The following XKR6 variants were observed in gnomAD, a reference collection of about 807,000 sequenced individuals.
XKR6 encodes XK-related protein 6.
Under a neutral mutation model 56.7 loss-of-function variants are expected in XKR6, and 22 were observed. The observed-to-expected ratio is 0.39, with a 90% CI of 0.28 to 0.55. XKR6 has a LOEUF of 0.55. Among genes scored for constraint, XKR6 ranks in the 20% least tolerant of loss-of-function variants. The pLI is 0.66. For synonymous variants in XKR6, 524 were observed against 387.8 expected (o/e 1.35, Z -4.13); for missense variants, 852 against 889.0 (o/e 0.96, Z 0.53).
chr8:11,078,750 G>A (rs144456087), intron 1 of XKR6, among the ~76,000 whole-genome samples: 1 of 152,298 alleles, frequency 6.6e-6, no homozygotes, highest in East Asian at 1.9e-4. Context: ...GAAATTCTGG[G>A]TAGGCCCAGA....
chr8:10,989,255 A>C (rs544212191), intron 1 of XKR6, among the ~76,000 whole-genome samples: 6 of 152,272 alleles, frequency 3.9e-5, no homozygotes, highest in Non-Finnish European at 4.4e-5. Flanking sequence ...GTAGTGAGAT[A>C]AAATGAAGGC....
intron 1 of XKR6, among the ~76,000 whole-genome samples, chr8:11,010,329 G>A (rs73541207): frequency 0.03 from 4,609 of 152,224 alleles, 233 homozygotes; most frequent in African/African-American, 0.1. Context: ...CATGAGAATT[G>A]GGCAGGAACA....
chr8:11,144,254 G>GTGTA (rs1251945242), intron 1 of XKR6, among the ~76,000 whole-genome samples: 2 of 150,554 alleles, frequency 1.3e-5, no homozygotes. Flanking sequence ...GTGTGTGTGT[G>GTGTA]TATCTAAAGT....
rs573815035 is a variant in XKR6, at chr8:11,064,911, A to G, written c.764+135665T>C. Reference sequence around the variant, plus strand: ...CAAAAAGGAAAACAGAAGAAGTGACAAAAACCTCAATGGTTAAAACTAGAA... The same window carrying G: ...CAAAAAGGAAAACAGAAGAAGTGACGAAAACCTCAATGGTTAAAACTAGAA... On this transcript the variant is annotated intron_variant, in intron 1 of 2. Coordinates refer to ENST00000416569, the MANE Select transcript of XKR6 (RefSeq NM_173683.4). Among the ~76,000 whole-genome samples, 8 of 152,380 alleles carry G rather than the reference A, an allele frequency of 5.3e-5. No individual in the cohort carries two copies. The East Asian group carries it at 1.5e-3, about 29-fold the overall frequency.
At chr8:11,167,850 C>T (rs1453647354) in intron 1 of XKR6, among the ~76,000 whole-genome samples, 1 of 147,776 alleles carries the variant, frequency 6.8e-6, no homozygotes, top group Non-Finnish European at 1.5e-5. Context: ...GGCACAGTGG[C>T]TCCTGCCAAG....
intron 1 of XKR6, among the ~76,000 whole-genome samples, chr8:11,135,452 A>T (rs1800340236): frequency 6.6e-6 from 1 of 152,212 alleles, no homozygotes; most frequent in Non-Finnish European, 1.5e-5. Flanking sequence ...TTACAGTTTA[A>T]TATTGCTATC....
intron 1 of XKR6, among the ~76,000 whole-genome samples, chr8:10,956,913 C>G (rs1379403838): frequency 6.6e-6 from 1 of 152,192 alleles, no homozygotes; most frequent in Non-Finnish European, 1.5e-5. Context: ...TGGCACCTTG[C>G]TTTTCTTACC....
At chr8:10,950,502 TCA>T (rs377219571) in intron 1 of XKR6, among the ~76,000 whole-genome samples, 27 of 152,200 alleles carry the variant, frequency 1.8e-4, no homozygotes, top group African/African-American at 6.5e-4. Flanking sequence ...ATCTTGAGCC[TCA>T]GTCACCTCGT....
At chr8:11,154,313 C>T (rs750894017) in intron 1 of XKR6, among the ~76,000 whole-genome samples, 7 of 152,140 alleles carry the variant, frequency 4.6e-5, no homozygotes, top group Admixed American at 1.3e-4. Flanking sequence ...CTCTAGACAC[C>T]AAAAATCAGA....
At chr8:11,055,984 C>T (rs944384907) in intron 1 of XKR6, among the ~76,000 whole-genome samples, 1 of 152,180 alleles carries the variant, frequency 6.6e-6, no homozygotes, top group African/African-American at 2.4e-5. Context: ...AGGCCCCCTC[C>T]CCCTGCTTCC....
chr8:10,927,174 G>A (rs1054596026), intron 1 of XKR6, among the ~76,000 whole-genome samples: 1 of 152,210 alleles, frequency 6.6e-6, no homozygotes, highest in African/African-American at 2.4e-5. Context: ...GGTGATAGAA[G>A]GGCCAGGCTG....
chr8:10,997,499 C>T (rs1404548615), intron 1 of XKR6, among the ~76,000 whole-genome samples: 4 of 152,174 alleles, frequency 2.6e-5, no homozygotes, highest in Non-Finnish European at 5.9e-5. Context: ...CTTATTCTAG[C>T]TGGTGAGATA....
At chr8:11,072,679 G>A (rs1800163672) in intron 1 of XKR6, among the ~76,000 whole-genome samples, 1 of 152,202 alleles carries the variant, frequency 6.6e-6, no homozygotes. Context: ...TCAGGGTGGG[G>A]GTACACTGGT....
chr8:11,157,004 G>C (rs966125158), intron 1 of XKR6, among the ~76,000 whole-genome samples: 1 of 152,234 alleles, frequency 6.6e-6, no homozygotes, highest in African/African-American at 2.4e-5. Context: ...ATGATGTCAT[G>C]TGACTATCAC....
At chr8:11,041,385 G>A (rs1799282079) in intron 1 of XKR6, among the ~76,000 whole-genome samples, 1 of 151,990 alleles carries the variant, frequency 6.6e-6, no homozygotes, top group African/African-American at 2.4e-5. Context: ...GTGAAACCCC[G>A]TCTCTACTAA....
At chr8:11,014,008 G>A (rs969547748) in intron 1 of XKR6, among the ~76,000 whole-genome samples, 8 of 152,154 alleles carry the variant, frequency 5.3e-5, no homozygotes, top group African/African-American at 2.4e-5. Flanking sequence ...GCCTTTACTC[G>A]CACGGCAGAC....
At chr8:10,957,873 G>T (rs898198626) in intron 1 of XKR6, among the ~76,000 whole-genome samples, 1 of 151,904 alleles carries the variant, frequency 6.6e-6, no homozygotes, top group Admixed American at 6.5e-5. Context: ...CAACAATATC[G>T]AATCTAAAAA....
chr8:10,980,175 G>A lies in XKR6; in HGVS notation c.765-55345C>T, dbSNP rs554695909. Among the ~76,000 whole-genome samples, 262 of 152,326 alleles carry A rather than the reference G, an allele frequency of 1.7e-3. 1 individual carries two copies. The highest frequency in any genetic ancestry group is 6.1e-3 in the African/African-American group (253 of 41,588). On this transcript the variant is annotated intron_variant, in intron 1 of 2. Coordinates refer to ENST00000416569, the MANE Select transcript of XKR6 (RefSeq NM_173683.4). ...CGTCTGAGCTTGGTACTAAGGATGAGGCTGCAGTTCCCCACTGAGAGGGGC... is the reference window on the plus strand; with the variant it reads ...CGTCTGAGCTTGGTACTAAGGATGAAGCTGCAGTTCCCCACTGAGAGGGGC...
At chr8:11,147,898 T>C (rs1482417209) in intron 1 of XKR6, among the ~76,000 whole-genome samples, 2 of 151,228 alleles carry the variant, frequency 1.3e-5, no homozygotes. Flanking sequence ...GGAGAGGAGG[T>C]CTTTAAAGAG....
Sources: allele counts gnomAD v4.1 joint callset (sites outside exome capture counted in the v4.1 genomes callset), GRCh38; gene constraint gnomAD v4.1.1; transcripts MANE v1.5; gene names NCBI Gene and HGNC (gene_info 2026-07-23, HGNC 2026-07-21).